The following CMIP variants were observed in gnomAD, a reference collection of about 807,000 sequenced individuals.
The protein encoded by CMIP is C-Maf-inducing protein.
CMIP carries 13 observed loss-of-function variants against 97.3 expected under a neutral mutation model. That is an observed-to-expected ratio of 0.13 (90% CI 0.09 to 0.21). The LOEUF (loss-of-function observed/expected upper bound fraction) is 0.21. CMIP is among the 10% of genes least tolerant of loss of function. The probability of loss-of-function intolerance (pLI) is 1.00; values close to 1 mark genes in which losing one functional copy is unlikely to be tolerated. For missense variants in CMIP, 847 were observed against 1,024.9 expected (o/e 0.83, Z 2.37); for synonymous variants, 538 against 436.3 (o/e 1.23, Z -2.91).
intron 1 of CMIP, among the ~76,000 whole-genome samples, chr16:81,492,567 G>A (rs547533129): frequency 6.4e-5 from 6 of 94,312 alleles, no homozygotes; most frequent in Non-Finnish European, 1.2e-4. Context: ...GGCCGGCTGG[G>A]CCTTGCTAGC....
chr16:81,668,837 A>G (rs980335287), intron 7 of CMIP, among the ~76,000 whole-genome samples: 7 of 147,656 alleles, frequency 4.7e-5, no homozygotes, highest in African/African-American at 1.8e-4. Flanking sequence ...TGCCTTCCAC[A>G]CCCACCTCAC....
chr16:81,674,075 A>G (rs979501675), intron 9 of CMIP, among the ~76,000 whole-genome samples: 3 of 152,158 alleles, frequency 2.0e-5, no homozygotes, highest in African/African-American at 4.8e-5. Flanking sequence ...GCAGGGCATG[A>G]GAGAGGGTGA....
chr16:81,559,739 T>C (rs2090839620), intron 1 of CMIP, among the ~76,000 whole-genome samples: 4 of 152,228 alleles, frequency 2.6e-5, no homozygotes, highest in Non-Finnish European at 5.9e-5. Context: ...AGTTACTGGC[T>C]TGTGCATTCG....
At chr16:81,556,418 C>T (rs1278706283) in intron 1 of CMIP, among the ~76,000 whole-genome samples, 1 of 152,166 alleles carries the variant, frequency 6.6e-6, no homozygotes, top group African/African-American at 2.4e-5. Context: ...ATTGATGGAT[C>T]ACATAGTAAC....
chr16:81,474,750 C>G (rs1388023728), intron 1 of CMIP, among the ~76,000 whole-genome samples: 1 of 152,222 alleles, frequency 6.6e-6, no homozygotes, highest in Admixed American at 6.5e-5. Context: ...CTCCTCTGGT[C>G]CTGCCTCTCC....
At position 81,709,733 on chromosome 16, in the gene CMIP, T is replaced by C. The variant is rs777244275; in HGVS notation, c.2269-13T>C. 1.1e-5 allele frequency: 17 copies of C among 1,613,656 alleles called. No individual in the cohort carries two copies. Among genetic ancestry groups the C allele is most frequent in the Middle Eastern group, 1.6e-4 (1 of 6,084 alleles). On this transcript the variant is annotated splice_polypyrimidine_tract_variant and intron_variant, in intron 20 of 20. Transcript: ENST00000537098. ...GGCCTACACGTGACAAGGACTCTTA[T>C]TGCCACCCCCAGGCCAAGCTTCCCA...
chr16:81,615,254 GTGTA>G (rs1418489197), intron 2 of CMIP, among the ~76,000 whole-genome samples: 1 of 146,990 alleles, frequency 6.8e-6, no homozygotes, highest in Non-Finnish European at 1.5e-5. Flanking sequence ...TGTGTGTGTG[GTGTA>G]TGTGTCTACG....
rs1905785708 is a variant in CMIP, at chr16:81,445,654, G to T, written c.300+113G>T. The T allele has an allele frequency of 2.5e-6, 3 of 1,201,934 alleles. No homozygotes were observed. The Admixed American group carries it at 7.9e-5, about 32-fold the overall frequency. The allele number at this position is 1,201,934 out of a possible 1,614,324, so 74.5% of individuals were successfully genotyped here. On this transcript the variant is annotated intron_variant, in intron 1 of 20. Transcript: ENST00000537098. ...GCCCAGGGCCTGGGGGGCGGTGGGG[G>T]GTGCCGGGGGAACGGGGAGAACCAG... is the stretch of plus-strand genomic sequence containing the variant.
intron 19 of CMIP, 35 bp from the exon 20 acceptor site, chr16:81,706,979 C>T (rs984182768): frequency 3.0e-5 from 48 of 1,597,510 alleles, no homozygotes; most frequent in Non-Finnish European, 3.8e-5. Context: ...TTTGGGGCCT[C>T]GCTCTCCTAA....
chr16:81,551,048 C>T (rs1169561392), intron 1 of CMIP, among the ~76,000 whole-genome samples: 12 of 136,240 alleles, frequency 8.8e-5, no homozygotes, highest in Admixed American at 3.0e-4. Flanking sequence ...TCCCGTCACA[C>T]GCACCCCAGT....
chr16:81,583,131 G>T lies in CMIP; in HGVS notation c.301-24436G>T, dbSNP rs181298101. Among the ~76,000 whole-genome samples the T allele has an allele frequency of 1.1e-4, 17 of 152,382 alleles. No individual in the cohort carries two copies. In the East Asian group the frequency reaches 3.1e-3, roughly 28 times the overall value. On this transcript the variant is annotated intron_variant, in intron 1 of 20. Transcript: ENST00000537098. ...CTGGCTGGCATTGCCTCTGACCTTGGCCGTCTGATCAGGCAGTGAAAGAAG... is the reference window on the plus strand; with the variant it reads ...CTGGCTGGCATTGCCTCTGACCTTGTCCGTCTGATCAGGCAGTGAAAGAAG...
At chr16:81,706,872 GT>G in intron 19 of CMIP, 141 bp from the exon 20 acceptor site, 1 of 690,936 alleles carries the variant, frequency 1.4e-6, no homozygotes, top group South Asian at 1.7e-5. Flanking sequence ...TACCCTGGCT[GT>G]GTCTACGAAA....
chr16:81,558,318 A>G (rs2090809073), intron 1 of CMIP, among the ~76,000 whole-genome samples: 1 of 152,186 alleles, frequency 6.6e-6, no homozygotes, highest in Admixed American at 6.5e-5. Context: ...GCCGTTACAG[A>G]TAGTGCTGCA....
At chr16:81,521,721 T>C (rs773142310) in intron 1 of CMIP, among the ~76,000 whole-genome samples, 4 of 152,202 alleles carry the variant, frequency 2.6e-5, no homozygotes, top group African/African-American at 7.2e-5. Context: ...GAGAAACCAA[T>C]TGGCTTTTGA....
intron 1 of CMIP, among the ~76,000 whole-genome samples, chr16:81,472,116 C>T (rs1394089788): frequency 1.3e-5 from 2 of 152,224 alleles, no homozygotes; most frequent in African/African-American, 4.8e-5. Context: ...TCAGTATACA[C>T]ATGTATGCAC....
chr16:81,502,473 G>A (rs1156947543), intron 1 of CMIP, among the ~76,000 whole-genome samples: 5 of 152,274 alleles, frequency 3.3e-5, no homozygotes, highest in African/African-American at 1.2e-4. Context: ...TCGCCTGGGG[G>A]TGCCTGGGTT....
intron 1 of CMIP, among the ~76,000 whole-genome samples, chr16:81,541,011 G>A (rs1169783709): frequency 6.7e-6 from 1 of 149,784 alleles, no homozygotes; most frequent in Admixed American, 6.7e-5. Context: ...ATACTTATCA[G>A]TCCGTGGGCT....
At position 81,672,074 on chromosome 16, in the gene CMIP, A is replaced by G. The variant is rs745991126; in HGVS notation, c.1034+4A>G. The G allele has an allele frequency of 4.1e-5, 64 of 1,551,696 alleles. No homozygotes were observed. The highest frequency in any genetic ancestry group is 5.1e-5 in the Non-Finnish European group (58 of 1,135,612). ...GCTATGAAGAGTTCATCAACAGGTC[A>G]GTTGCTGAACCACCGCCACCCAGAG... On this transcript the variant is annotated splice_donor_region_variant and intron_variant, in intron 9 of 20. Coordinates refer to ENST00000537098, the MANE Select transcript of CMIP (RefSeq NM_198390.3).
At chr16:81,498,616 C>G (rs563996525) in intron 1 of CMIP, among the ~76,000 whole-genome samples, 1 of 152,318 alleles carries the variant, frequency 6.6e-6, no homozygotes, top group East Asian at 1.9e-4. Flanking sequence ...CATGTGTGCC[C>G]CAGAACATGG....
Sources: gnomAD v4.1 joint callset for allele counts (sites outside exome capture counted in the v4.1 genomes callset) on GRCh38, gnomAD v4.1.1 for gene constraint, MANE v1.5 for transcripts, NCBI Gene and HGNC (gene_info 2026-07-23, HGNC 2026-07-21) for gene names.